Variants in EMC10 observed in about 807,000 individuals in gnomAD.
EMC10 encodes ER membrane protein complex subunit 10.
A neutral mutation model predicts 32.2 loss-of-function variants in EMC10; 40 were observed. That is an observed-to-expected ratio of 1.24 (90% CI 0.96 to 1.61). The LOEUF (loss-of-function observed/expected upper bound fraction) is 1.61. Ranked by LOEUF, EMC10 falls within the 40% of genes most tolerant of loss-of-function variation. EMC10 has a pLI of 0.00. For synonymous variants in EMC10, 178 were observed against 158.4 expected, an observed-to-expected ratio of 1.12 and a Z score of -0.93; for missense variants, 402 against 357.7, an observed-to-expected ratio of 1.12 and a Z score of -1.00.
In EMC10 at chr19:50,478,008, C is replaced by A; in HGVS notation, c.187+7C>A. 1 of 1,601,432 alleles carries A rather than the reference C, an allele frequency of 6.2e-7. No homozygotes were observed. The highest frequency in any genetic ancestry group is 8.5e-7 in the Non-Finnish European group (1 of 1,175,418). On this transcript the variant is annotated splice_region_variant and intron_variant, in intron 2 of 6. Transcript: ENST00000334976. ...GAGCACTCATTTGAGATCGGTGAGT[C>A]AGGCAACGTCCTCTCCTAGACACTT... is the stretch of plus-strand genomic sequence containing the variant.
rs892914539 is a variant in EMC10, at chr19:50,484,616, C to G, written c.*2357C>G. The G allele has an allele frequency of 6.6e-6, 1 of 152,164 alleles. No homozygotes were observed. Among genetic ancestry groups the G allele is most frequent in the African/African-American group, 2.4e-5 (1 of 41,450 alleles). 9.4% of individuals were successfully genotyped at this position (152,164 alleles called of 1,614,324 possible). A position where few individuals can be genotyped will look rare whatever the true frequency, so the allele number is the denominator to read the frequency against. On this transcript the variant is annotated 3_prime_UTR_variant, in exon 7 of 7. Transcript: ENST00000334976. ...GTCTGGCCGGTCCTTGGGGAACCCA[C>G]TCACTATTTTATTTTATTGACCGGG...
chr19:50,480,783 C>G lies in EMC10; in HGVS notation c.584+21C>G. 6.4e-7 allele frequency: 1 copy of G among 1,571,880 alleles called. No individual in the cohort carries two copies. The highest frequency in any genetic ancestry group is 8.6e-7 in the Non-Finnish European group (1 of 1,157,014). Reference sequence around the variant, plus strand: ...CCAGGGTGAGCCTCTGCTGCCTTCGCGGCGCTCTTGCCACCTGCCCCGGCC... The same window carrying G: ...CCAGGGTGAGCCTCTGCTGCCTTCGGGGCGCTCTTGCCACCTGCCCCGGCC... On this transcript the variant is annotated intron_variant, in intron 5 of 6. Coordinates refer to ENST00000334976, the MANE Select transcript of EMC10 (RefSeq NM_206538.4). This position sits in a 1 kb window ranked among gnomAD's most constrained non-coding sequence, Gnocchi z 4.4.
Position 50,482,929 on chromosome 19 carries a change from T to C in EMC10, c.*670T>C. On this transcript the variant is annotated 3_prime_UTR_variant, in exon 7 of 7. Transcript: ENST00000334976. ...TTAAGGTGACAGGCCCTCCACAGGC[T>C]TCCAGACTTGAAGGAAAAGGTTTAA... 1 of 569,164 alleles carries C rather than the reference T, an allele frequency of 1.8e-6. No individual in the cohort carries two copies. The highest frequency in any genetic ancestry group is 2.3e-5 in the South Asian group (1 of 43,394). The allele number at this position is 569,164 out of a possible 1,614,324, so 35.3% of individuals were successfully genotyped here.
chr19:50,480,179 G>A lies in EMC10; in HGVS notation c.366G>A (p.Leu122=). The A allele has an allele frequency of 6.2e-7, 1 of 1,613,900 alleles. No individual in the cohort carries two copies. The highest frequency in any genetic ancestry group is 8.5e-7 in the Non-Finnish European group (1 of 1,179,938). The part of the protein sequence containing the change: ...IPRRPGALDG[L]EAGGYVSSFV... ...GGCGACCCGGGGCCCTGGATGGCCT[G>A]GAAGCTGGTGGCTATGTCTCCTCCT... Residue 122 remains leucine (L), a synonymous_variant, in exon 4 of 7, where the codon CTG becomes CTA. Coordinates refer to ENST00000334976, the MANE Select transcript of EMC10 (RefSeq NM_206538.4). This position sits in a 1 kb window ranked among gnomAD's most constrained non-coding sequence, Gnocchi z 4.4.
Position 50,485,359 on chromosome 19 carries a change from T to C in EMC10, c.*3100T>C, listed in dbSNP as rs959871449. ...TCTCCAGCTCAGATCCCACCCCTGA[T>C]CTCCAGACTCATGGCCCCAGCTGCC... On this transcript the variant is annotated 3_prime_UTR_variant, in exon 7 of 7. Coordinates refer to ENST00000334976, the MANE Select transcript of EMC10 (RefSeq NM_206538.4). 1.3e-5 allele frequency: 2 copies of C among 152,062 alleles called. No individual in the cohort carries two copies. Among genetic ancestry groups the C allele is most frequent in the African/African-American group, 4.8e-5 (2 of 41,358 alleles). The allele number at this position is 152,062 out of a possible 1,614,324, so 9.4% of individuals were successfully genotyped here. A position where few individuals can be genotyped will look rare whatever the true frequency, so the allele number is the denominator to read the frequency against.
In EMC10 at chr19:50,480,607, G is replaced by A. The variant is rs746109052; in HGVS notation, c.429G>A (p.Ser143=). The A allele has an allele frequency of 2.0e-5, 32 of 1,565,418 alleles. No homozygotes were observed. The highest frequency in any genetic ancestry group is 1.5e-4 in the South Asian group (13 of 85,142). The change falls in exon 5 of 7, where the codon TCG becomes TCA. Residue 143 remains serine, a synonymous_variant. Coordinates refer to ENST00000334976, the MANE Select transcript of EMC10 (RefSeq NM_206538.4). This position sits in a 1 kb window ranked among gnomAD's most constrained non-coding sequence, Gnocchi z 4.4. ...PACSLVESHL[S]DQLTLHVDVA... is the part of the protein sequence containing the mutation. ...GCTCCCTGGTGGAGTCGCACCTGTC[G>A]GACCAGCTGACCCTGCACGTGGATG...
intron 1 of EMC10, 150 bp downstream of exon 1, chr19:50,476,808 G>A (rs1010585670): frequency 3.6e-6 from 2 of 562,128 alleles, no homozygotes; most frequent in Non-Finnish European, 6.1e-6. Flanking sequence ...AGTCACGCAC[G>A]CGCAGGAGGG....
intron 3 of EMC10, among the ~76,000 whole-genome samples, chr19:50,479,373 G>T (rs2040282413): frequency 6.6e-6 from 1 of 152,220 alleles, no homozygotes; most frequent in African/African-American, 2.4e-5. Flanking sequence ...GATCAGCTGA[G>T]CTGTTTCATG....
At position 50,486,572 on chromosome 19, in the gene EMC10, C is replaced by T. The variant is rs1437559842; in HGVS notation, c.*4313C>T. 4 of 152,152 alleles carry T rather than the reference C, an allele frequency of 2.6e-5. No individual in the cohort carries two copies. The highest frequency in any genetic ancestry group is 9.7e-5 in the African/African-American group (4 of 41,448). 9.4% of individuals were successfully genotyped at this position (152,152 alleles called of 1,614,324 possible). ...GTGCCTCTTCAGCTGTCAGTCCATC[C>T]TCCTTTATTTGTACCCACCTTCCAG... On this transcript the variant is annotated 3_prime_UTR_variant, in exon 7 of 7. Coordinates refer to ENST00000334976, the MANE Select transcript of EMC10 (RefSeq NM_206538.4).
chr19:50,481,075 G>A (rs1012828259), intron 6 of EMC10, 98 bp downstream of exon 6: 9 of 904,286 alleles, frequency 1.0e-5, no homozygotes, highest in East Asian at 7.9e-5. Context: ...TATGGTGCTC[G>A]GGCCTGCTCC....
rs1978458054 is a variant in EMC10 at position 50,488,317 on chromosome 19, AAG to A, written c.*6060_*6061del. On this transcript the variant is annotated 3_prime_UTR_variant, in exon 7 of 7. Coordinates refer to ENST00000334976, the MANE Select transcript of EMC10 (RefSeq NM_206538.4). Reference sequence around the variant, plus strand: ...TCTCAAAAAAAAAAAAAAAAAAAAAAAGAAAAGATGGCCAGAGCAGGAGGGGA... The same window carrying A: ...TCTCAAAAAAAAAAAAAAAAAAAAAAAAAAGATGGCCAGAGCAGGAGGGGA... 6.7e-6 allele frequency: 1 copy of A among 149,354 alleles called. No individual in the cohort carries two copies. Among genetic ancestry groups the A allele is most frequent in the Admixed American group, 6.7e-5 (1 of 14,854 alleles). 9.3% of individuals were successfully genotyped at this position (149,354 alleles called of 1,614,324 possible).
rs746538061 is a variant in EMC10 at position 50,482,134 on chromosome 19, TC to T, written c.679-13del. ...CTTTCTGTGTCTGTCTGTCCATCCT[TC>T]CGTCCGGCTGCAGTGGATGTACATC... On this transcript the variant is annotated splice_polypyrimidine_tract_variant and intron_variant, in intron 6 of 6. Transcript: ENST00000334976. 8.6e-6 allele frequency: 13 copies of T among 1,517,568 alleles called. No homozygotes were observed. Among genetic ancestry groups the T allele is most frequent in the Middle Eastern group, 1.7e-4 (1 of 5,820 alleles). 94.0% of individuals were successfully genotyped at this position (1,517,568 alleles called of 1,614,324 possible). A position where few individuals can be genotyped will look rare whatever the true frequency, so the allele number is the denominator to read the frequency against.
At position 50,480,580 on chromosome 19, in the gene EMC10, G is replaced by T; in HGVS notation, c.403-1G>T. On this transcript the variant is annotated splice_acceptor_variant, in intron 4 of 6. Transcript: ENST00000334976. LOFTEE classifies it high-confidence loss of function. The surrounding 1 kb of genome is among the most constrained non-coding windows in gnomAD (Gnocchi z 4.4). ...CTCCACTGACCCCACTCCCCCCACA[G>T]TGCTCCCTGGTGGAGTCGCACCTGT... is the stretch of plus-strand genomic sequence containing the variant. 1 of 1,553,192 alleles carries T rather than the reference G, an allele frequency of 6.4e-7. No homozygotes were observed. Among genetic ancestry groups the T allele is most frequent in the Admixed American group, 1.9e-5 (1 of 51,304 alleles).
Position 50,485,267 on chromosome 19 carries a change from T to G in EMC10, c.*3008T>G, listed in dbSNP as rs1282436822. ...CATGCTTCCCCCTTGCTACTCCAGGTGTCTGCCCCATCCCTTCACCCTGGA... is the reference window on the plus strand; with the variant it reads ...CATGCTTCCCCCTTGCTACTCCAGGGGTCTGCCCCATCCCTTCACCCTGGA... On this transcript the variant is annotated 3_prime_UTR_variant, in exon 7 of 7. Coordinates refer to ENST00000334976, the MANE Select transcript of EMC10 (RefSeq NM_206538.4). 1.3e-5 allele frequency: 2 copies of G among 152,126 alleles called. No individual in the cohort carries two copies. Among genetic ancestry groups the G allele is most frequent in the African/African-American group, 2.4e-5 (1 of 41,352 alleles). The allele number at this position is 152,126 out of a possible 1,614,324, so 9.4% of individuals were successfully genotyped here. A position where few individuals can be genotyped will look rare whatever the true frequency, so the allele number is the denominator to read the frequency against.
At position 50,482,924 on chromosome 19, in the gene EMC10, C is replaced by A; in HGVS notation, c.*665C>A. On this transcript the variant is annotated 3_prime_UTR_variant, in exon 7 of 7. Transcript: ENST00000334976. Reference sequence around the variant, plus strand: ...TGCCTTTAAGGTGACAGGCCCTCCACAGGCTTCCAGACTTGAAGGAAAAGG... The same window carrying A: ...TGCCTTTAAGGTGACAGGCCCTCCAAAGGCTTCCAGACTTGAAGGAAAAGG... 1.8e-6 allele frequency: 1 copy of A among 564,546 alleles called. No homozygotes were observed. The highest frequency in any genetic ancestry group is 3.1e-6 in the Non-Finnish European group (1 of 318,868). The allele number at this position is 564,546 out of a possible 1,614,324, so 35.0% of individuals were successfully genotyped here.
rs1288788840 is a variant in EMC10, at chr19:50,482,943, GA to G, written c.*688del. 5.3e-6 allele frequency: 3 copies of G among 567,464 alleles called. No individual in the cohort carries two copies. Among genetic ancestry groups the G allele is most frequent in the East Asian group, 3.0e-5 (1 of 33,178 alleles). 35.2% of individuals were successfully genotyped at this position (567,464 alleles called of 1,614,324 possible). A position where few individuals can be genotyped will look rare whatever the true frequency, so the allele number is the denominator to read the frequency against. ...CCTCCACAGGCTTCCAGACTTGAAGGAAAAGGTTTAAGAAAGAAAACAAAAC... is the reference window on the plus strand; with the variant it reads ...CCTCCACAGGCTTCCAGACTTGAAGGAAAGGTTTAAGAAAGAAAACAAAAC... On this transcript the variant is annotated 3_prime_UTR_variant, in exon 7 of 7. Transcript: ENST00000334976.
intron 6 of EMC10, chr19:50,481,688 C>T (rs1442339837): frequency 3.3e-6 from 2 of 601,298 alleles, no homozygotes; most frequent in Non-Finnish European, 5.7e-6. Flanking sequence ...AGGGCCTCAC[C>T]CGCTCCGCCT....
rs1256803347 is a variant in EMC10, at chr19:50,487,800, G to A, written c.*5541G>A. The A allele has an allele frequency of 2.0e-5, 3 of 152,546 alleles. No individual in the cohort carries two copies. Among genetic ancestry groups the A allele is most frequent in the African/African-American group, 7.3e-5 (3 of 41,362 alleles). 9.4% of individuals were successfully genotyped at this position (152,546 alleles called of 1,614,324 possible). ...CCAGGAGAGGAGACAGGTCCAGAGA[G>A]GAGGGAAAGGAAAGGACAGGGCAGA... On this transcript the variant is annotated 3_prime_UTR_variant, in exon 7 of 7. Coordinates refer to ENST00000334976, the MANE Select transcript of EMC10 (RefSeq NM_206538.4).
chr19:50,479,608 A>T (rs2040285503), intron 3 of EMC10, among the ~76,000 whole-genome samples: 1 of 152,210 alleles, frequency 6.6e-6, no homozygotes, highest in Non-Finnish European at 1.5e-5. Context: ...AAGCTGGCAC[A>T]ACCCACTTCC....
Sources: gnomAD v4.1 joint callset for allele counts (sites outside exome capture counted in the v4.1 genomes callset) on GRCh38, gnomAD v4.1.1 for gene constraint, Gnocchi (gnomAD v3.1) non-coding constraint, MANE v1.5 for transcripts, NCBI Gene and HGNC (gene_info 2026-07-23, HGNC 2026-07-21) for gene names.